The following CDK8 variants were observed in gnomAD, a reference collection of about 807,000 sequenced individuals.
CDK8 encodes the protein cyclin-dependent kinase 8.
CDK8 carries 29 observed loss-of-function variants against 71.5 expected under a neutral mutation model. The observed-to-expected ratio is 0.41, with a 90% CI of 0.30 to 0.55. CDK8 has a LOEUF of 0.55. CDK8 is among the 20% of genes least tolerant of loss of function. CDK8 has a pLI of 0.37. For synonymous variants in CDK8, 161 were observed against 192.1 expected, an observed-to-expected ratio of 0.84 and a Z score of 1.34; for missense variants, 288 against 572.6, an observed-to-expected ratio of 0.50 and a Z score of 5.07.
At chr13:26,322,848 T>C (rs1482744826) in intron 1 of CDK8, among the ~76,000 whole-genome samples, 1 of 152,218 alleles carries the variant, frequency 6.6e-6, no homozygotes, top group African/African-American at 2.4e-5. Flanking sequence ...CTGTCAAATA[T>C]CTATGTAATT....
intron 4 of CDK8, among the ~76,000 whole-genome samples, chr13:26,381,520 A>G (rs1875226766): frequency 1.3e-5 from 2 of 152,130 alleles, no homozygotes; most frequent in African/African-American, 4.8e-5. Context: ...TATTATTATT[A>G]TTACAGCAGT....
chr13:26,260,627 T>C (rs1871730944), intron 1 of CDK8, among the ~76,000 whole-genome samples: 1 of 152,152 alleles, frequency 6.6e-6, no homozygotes, highest in Non-Finnish European at 1.5e-5. Context: ...GGGGCTCTGA[T>C]GTGTGGAAAG....
At chr13:26,365,115 CTTGT>C (rs1593291061) in intron 4 of CDK8, among the ~76,000 whole-genome samples, 3 of 152,220 alleles carry the variant, frequency 2.0e-5, no homozygotes, top group East Asian at 3.9e-4. Context: ...CTAATTGTAC[CTTGT>C]TTAATTGGGT....
intron 1 of CDK8, among the ~76,000 whole-genome samples, chr13:26,296,382 C>A (rs528730430): frequency 6.6e-6 from 1 of 152,278 alleles, no homozygotes; most frequent in South Asian, 2.1e-4. Flanking sequence ...ATTCTCTAAG[C>A]TTTAGCATGT....
intron 1 of CDK8, among the ~76,000 whole-genome samples, chr13:26,304,834 AATTATT>A (rs549128146): frequency 1.3e-5 from 2 of 151,582 alleles, no homozygotes; most frequent in Non-Finnish European, 2.9e-5. Flanking sequence ...TAAAATTTTA[AATTATT>A]ATTATTTTAT....
chr13:26,267,143 T>G (rs1164938656), intron 1 of CDK8, among the ~76,000 whole-genome samples: 1 of 151,876 alleles, frequency 6.6e-6, no homozygotes, highest in African/African-American at 2.4e-5. Context: ...ATGATACATA[T>G]GCATATATTA....
chr13:26,275,745 A>C (rs1872536910), intron 1 of CDK8, among the ~76,000 whole-genome samples: 1 of 152,208 alleles, frequency 6.6e-6, no homozygotes, highest in African/African-American at 2.4e-5. Context: ...TTATAAAGGT[A>C]GTTTAAATTT....
At chr13:26,326,585 A>G (rs1325901725) in intron 1 of CDK8, among the ~76,000 whole-genome samples, 2 of 152,192 alleles carry the variant, frequency 1.3e-5, no homozygotes, top group East Asian at 1.9e-4. Context: ...GGTAGAAGCT[A>G]TATCTGTCTC....
At chr13:26,333,560 G>C (rs1416278682) in intron 1 of CDK8, among the ~76,000 whole-genome samples, 1 of 152,172 alleles carries the variant, frequency 6.6e-6, no homozygotes, top group African/African-American at 2.4e-5. Context: ...TGATTCACAG[G>C]AGTGGCAGAG....
intron 1 of CDK8, among the ~76,000 whole-genome samples, chr13:26,279,198 G>A (rs939795494): frequency 3.3e-5 from 5 of 152,094 alleles, no homozygotes; most frequent in African/African-American, 7.2e-5. Flanking sequence ...AATGTAGAAG[G>A]AATGATGGAA....
intron 1 of CDK8, among the ~76,000 whole-genome samples, chr13:26,318,942 A>G (rs1345216940): frequency 6.6e-6 from 1 of 152,220 alleles, no homozygotes; most frequent in Non-Finnish European, 1.5e-5. Flanking sequence ...TGTGCATTAT[A>G]GTACTGGAAG....
At chr13:26,311,570 G>A (rs910290161) in intron 1 of CDK8, among the ~76,000 whole-genome samples, 4 of 152,074 alleles carry the variant, frequency 2.6e-5, no homozygotes, top group South Asian at 2.1e-4. Context: ...TTTCCTCTCC[G>A]TATTTGTTAT....
At chr13:26,261,336 C>A (rs913287942) in intron 1 of CDK8, among the ~76,000 whole-genome samples, 14 of 152,064 alleles carry the variant, frequency 9.2e-5, no homozygotes, top group African/African-American at 3.4e-4. Flanking sequence ...TAAAATTCAC[C>A]CTTTTAAAAG....
intron 1 of CDK8, among the ~76,000 whole-genome samples, chr13:26,261,068 T>C (rs891987426): frequency 2.6e-5 from 4 of 152,250 alleles, no homozygotes; most frequent in African/African-American, 9.6e-5. Flanking sequence ...CTTTTCTCTT[T>C]AGCAATCTTT....
chr13:26,299,624 T>C (rs1371474963), intron 1 of CDK8, among the ~76,000 whole-genome samples: 1 of 152,216 alleles, frequency 6.6e-6, no homozygotes, highest in Non-Finnish European at 1.5e-5. Flanking sequence ...TCTTGGCATA[T>C]CTTGCCTCTA....
intron 1 of CDK8, among the ~76,000 whole-genome samples, chr13:26,290,607 A>G (rs1168668027): frequency 6.6e-6 from 1 of 152,166 alleles, no homozygotes; most frequent in Non-Finnish European, 1.5e-5. Context: ...GTTCCTATGA[A>G]TAGATTTCTT....
chr13:26,254,458 C>T lies in CDK8; in HGVS notation c.-184C>T, dbSNP rs2137841904. 1 of 484,006 alleles carries T rather than the reference C, an allele frequency of 2.1e-6. No individual in the cohort carries two copies. The allele number at this position is 484,006 out of a possible 1,614,324, so 30.0% of individuals were successfully genotyped here. A position where few individuals can be genotyped will look rare whatever the true frequency, so the allele number is the denominator to read the frequency against. ...GGCCGGCCTCTGCCCCGCCGTCCCC[C>T]TGGATGTCCCTGGCGCTTTCGCGGG... is the stretch of plus-strand genomic sequence containing the variant. On this transcript the variant is annotated 5_prime_UTR_variant, in exon 1 of 13. Coordinates refer to ENST00000381527, the MANE Select transcript of CDK8 (RefSeq NM_001260.3). The surrounding 1 kb of genome is among the most constrained non-coding windows in gnomAD (Gnocchi z 6.7).
At chr13:26,392,800 T>C (rs1875812861) in intron 6 of CDK8, among the ~76,000 whole-genome samples, 1 of 152,172 alleles carries the variant, frequency 6.6e-6, no homozygotes, top group African/African-American at 2.4e-5. Context: ...TCGGACATTG[T>C]CTCTTGGTGG....
intron 1 of CDK8, among the ~76,000 whole-genome samples, chr13:26,298,697 A>G (rs769072391): frequency 2.0e-5 from 3 of 152,194 alleles, no homozygotes; most frequent in Non-Finnish European, 4.4e-5. Context: ...TGTGGCACTC[A>G]GAGAGACCTT....
Sources: gnomAD v4.1 joint callset for allele counts (sites outside exome capture counted in the v4.1 genomes callset) on GRCh38, gnomAD v4.1.1 for gene constraint, Gnocchi (gnomAD v3.1) non-coding constraint, MANE v1.5 for transcripts, NCBI Gene and HGNC (gene_info 2026-07-23, HGNC 2026-07-21) for gene names.